The following CORO1B variants were observed in gnomAD, a reference collection of about 807,000 sequenced individuals.
CORO1B encodes coronin 1B.
In CORO1B, 30 loss-of-function variants were observed where a neutral mutation model predicts 51.1. The ratio of observed to expected loss-of-function variants is 0.59; its 90% confidence interval spans 0.44 to 0.80. The LOEUF (loss-of-function observed/expected upper bound fraction) is 0.80, where lower values mean the gene tolerates loss of function less well. Among genes scored for constraint, CORO1B ranks in the 30% least tolerant of loss-of-function variants. CORO1B has a pLI of 0.00. For missense variants in CORO1B, 648 were observed against 700.4 expected (o/e 0.93, Z 0.84); for synonymous variants, 310 against 289.7 (o/e 1.07, Z -0.71).
At chr11:67,440,082 GC>G in intron 8 of CORO1B, 35 bp downstream of exon 8, 1 of 1,578,502 alleles carries the variant, frequency 6.3e-7, no homozygotes. Flanking sequence ...CACCTTAGAT[GC>G]CCCTATCCCC....
chr11:67,439,063 A>G, intron 9 of CORO1B, 114 bp from the exon 10 acceptor site: 1 of 1,252,066 alleles, frequency 8.0e-7, no homozygotes. Context: ...CACGGCCTGG[A>G]AAGCTCAAAT....
chr11:67,437,653 C>T lies in CORO1B; in HGVS notation c.*723G>A. The T allele has an allele frequency of 2.2e-6, 3 of 1,360,438 alleles. No homozygotes were observed. Among genetic ancestry groups the T allele is most frequent in the Non-Finnish European group, 2.9e-6 (3 of 1,047,802 alleles). The allele number at this position is 1,360,438 out of a possible 1,614,324, so 84.3% of individuals were successfully genotyped here. A position where few individuals can be genotyped will look rare whatever the true frequency, so the allele number is the denominator to read the frequency against. ...AGGCCCCTCCGTGCCGGGCACCCACCTCCAGCTCTGGCTGTGTCGAGCGAG... is the reference window on the plus strand; with the variant it reads ...AGGCCCCTCCGTGCCGGGCACCCACTTCCAGCTCTGGCTGTGTCGAGCGAG... On this transcript the variant is annotated 3_prime_UTR_variant, in exon 11 of 11. Coordinates refer to ENST00000341356, the MANE Select transcript of CORO1B (RefSeq NM_020441.3).
intron 2 of CORO1B, 120 bp downstream of exon 2, chr11:67,442,308 G>C: frequency 7.9e-7 from 1 of 1,263,952 alleles, no homozygotes; most frequent in South Asian, 1.4e-5. Flanking sequence ...CGATAAATCT[G>C]GGTTATAACA....
At chr11:67,443,589 C>T, upstream of CORO1B, 1 of 691,432 alleles carries the variant, frequency 1.4e-6, no homozygotes, top group Non-Finnish European at 1.8e-6. Flanking sequence ...TGAGCGGCGC[C>T]GGGGGGCCGG....
chr11:67,441,609 G>A (rs1473141644), intron 4 of CORO1B, 95 bp from the exon 5 acceptor site: 1 of 1,548,606 alleles, frequency 6.5e-7, no homozygotes. Flanking sequence ...CCCTGGGACA[G>A]ACGGGTCTCT....
chr11:67,436,219 C>T lies in CORO1B; in HGVS notation c.*2157G>A, dbSNP rs1864270832. 3.2e-6 allele frequency: 5 copies of T among 1,548,854 alleles called. No individual in the cohort carries two copies. The East Asian group carries it at 1.2e-4, about 38-fold the overall frequency. ...AGGCCAGTGCTAGGCCAGTGGCCAG[C>T]AGTAGGAGCAGCAGCAGCAGCAGGA... On this transcript the variant is annotated 3_prime_UTR_variant, in exon 11 of 11. Coordinates refer to ENST00000341356, the MANE Select transcript of CORO1B (RefSeq NM_020441.3).
Position 67,437,560 on chromosome 11 carries a change from C to G in CORO1B, c.*816G>C, listed in dbSNP as rs1295905500. The stretch of plus-strand genomic sequence containing the variant: ...CCTTAGCTCCACAGGCCCAGACATT[C>G]TAGCCCCGACCGCCTGTGGCCCCCA... On this transcript the variant is annotated 3_prime_UTR_variant, in exon 11 of 11. Coordinates refer to ENST00000341356, the MANE Select transcript of CORO1B (RefSeq NM_020441.3). The G allele has an allele frequency of 3.7e-6, 5 of 1,337,190 alleles. No homozygotes were observed. Among genetic ancestry groups the G allele is most frequent in the Admixed American group, 6.1e-5 (2 of 32,912 alleles). The allele number at this position is 1,337,190 out of a possible 1,614,324, so 82.8% of individuals were successfully genotyped here.
At chr11:67,442,692 C>G in intron 1 of CORO1B, 62 bp from the exon 2 acceptor site, 1 of 1,553,512 alleles carries the variant, frequency 6.4e-7, no homozygotes, top group Non-Finnish European at 8.8e-7. Flanking sequence ...CCTCCCCAGG[C>G]TGCTGAAGGT....
In CORO1B at chr11:67,439,884, C is replaced by T. The variant is rs1864362062; in HGVS notation, c.1008-41G>A. 5.3e-6 allele frequency: 8 copies of T among 1,513,634 alleles called. No individual in the cohort carries two copies. In the Admixed American group the frequency reaches 1.6e-4, roughly 30 times the overall value. 93.8% of individuals were successfully genotyped at this position (1,513,634 alleles called of 1,614,324 possible). A position where few individuals can be genotyped will look rare whatever the true frequency, so the allele number is the denominator to read the frequency against. ...GGAGCCACGGGTGGAACCCTCACCG[C>T]CCCCCCCACCCACCGCCAGCTCTCC... On this transcript the variant is annotated intron_variant, in intron 8 of 10. Transcript: ENST00000341356.
chr11:67,440,487 A>C, intron 6 of CORO1B, 48 bp from the exon 7 acceptor site: 1 of 1,569,736 alleles, frequency 6.4e-7, no homozygotes, highest in Non-Finnish European at 8.7e-7. Flanking sequence ...CTCACCCCCT[A>C]ATCCCAAACC....
chr11:67,435,558 T>C lies in CORO1B; in HGVS notation c.*2818A>G, dbSNP rs1251024032. 3.2e-6 allele frequency: 3 copies of C among 932,510 alleles called. No individual in the cohort carries two copies. The highest frequency in any genetic ancestry group is 3.1e-6 in the Non-Finnish European group (2 of 653,318). The allele number at this position is 932,510 out of a possible 1,614,324, so 57.8% of individuals were successfully genotyped here. A position where few individuals can be genotyped will look rare whatever the true frequency, so the allele number is the denominator to read the frequency against. On this transcript the variant is annotated 3_prime_UTR_variant, in exon 11 of 11. Coordinates refer to ENST00000341356, the MANE Select transcript of CORO1B (RefSeq NM_020441.3). Reference sequence around the variant, plus strand: ...CAAATGGTTGCCTGATGCCTGTGGTTGGGGGGGGCCGTTCCCGTGGTGAGC... The same window carrying C: ...CAAATGGTTGCCTGATGCCTGTGGTCGGGGGGGGCCGTTCCCGTGGTGAGC...
At chr11:67,443,521 G>A (rs932844218), upstream of CORO1B, 9 of 915,906 alleles carry the variant, frequency 9.8e-6, no homozygotes, top group African/African-American at 1.8e-5. Context: ...AGCGGGGGCG[G>A]GGCAGGGGCT....
At chr11:67,443,750 T>TA (rs1367155587), upstream of CORO1B, 12 of 985,128 alleles carry the variant, frequency 1.2e-5, no homozygotes, top group Non-Finnish European at 1.3e-5. Flanking sequence ...GGTGCAGCCT[T>TA]ACAGCGGACC....
At chr11:67,438,620 C>G in intron 10 of CORO1B, 51 bp downstream of exon 10, 2 of 1,518,824 alleles carry the variant, frequency 1.3e-6, no homozygotes, top group Non-Finnish European at 1.8e-6. Flanking sequence ...ACACAGCAGG[C>G]CAGGGCCACA....
chr11:67,436,567 C>T lies in CORO1B; in HGVS notation c.*1809G>A. On this transcript the variant is annotated 3_prime_UTR_variant, in exon 11 of 11. Transcript: ENST00000341356. ...GCCTCCTCCCTACCACTCACCTCCC[C>T]CAACAGCTGCATTAAGCCACCTGCC... 1 of 480,058 alleles carries T rather than the reference C, an allele frequency of 2.1e-6. No homozygotes were observed. Among genetic ancestry groups the T allele is most frequent in the Non-Finnish European group, 3.5e-6 (1 of 285,892 alleles). 29.7% of individuals were successfully genotyped at this position (480,058 alleles called of 1,614,324 possible). A position where few individuals can be genotyped will look rare whatever the true frequency, so the allele number is the denominator to read the frequency against.
chr11:67,442,191 C>A, intron 2 of CORO1B, 103 bp from the exon 3 acceptor site: 1 of 1,546,484 alleles, frequency 6.5e-7, no homozygotes, highest in Non-Finnish European at 8.8e-7. Flanking sequence ...TCACAGGTGG[C>A]CCAGATGTGA....
Position 67,439,916 on chromosome 11 carries a change from C to T in CORO1B, c.1008-73G>A. 3 of 1,389,712 alleles carry T rather than the reference C, an allele frequency of 2.2e-6. No homozygotes were observed. The South Asian group carries it at 3.9e-5, about 18-fold the overall frequency. 86.1% of individuals were successfully genotyped at this position (1,389,712 alleles called of 1,614,324 possible). A position where few individuals can be genotyped will look rare whatever the true frequency, so the allele number is the denominator to read the frequency against. ...CACCCACCGCCAGCTCTCCTGGCAT[C>T]CTCCACTTCCAGTCCTCACCCCAGG... On this transcript the variant is annotated intron_variant, in intron 8 of 10. Transcript: ENST00000341356.
rs372470733 is a variant in CORO1B at position 67,441,815 on chromosome 11, C to T, written c.372G>A (p.Pro124=). Residue 124 remains proline (P), a synonymous_variant, in exon 4 of 11, where the codon CCG becomes CCA. Transcript: ENST00000341356. ...TGGTGTGCCCCTCCAGTACCACCAC[C>T]GGCTCTGTCAGCGGGGAGGTCAGCC... ...ENGLTSPLTE[P]VVVLEGHTKR... is the part of the protein sequence containing the mutation. 60 of 1,612,988 alleles carry T rather than the reference C, an allele frequency of 3.7e-5. 1 individual carries two copies. The highest frequency in any genetic ancestry group is 3.3e-4 in the South Asian group (30 of 91,090).
rs1864248519 is a variant in CORO1B, at chr11:67,435,585, G to C, written c.*2791C>G. 8.1e-7 allele frequency: 1 copy of C among 1,236,990 alleles called. No homozygotes were observed. Among genetic ancestry groups the C allele is most frequent in the African/African-American group, 1.5e-5 (1 of 66,106 alleles). The allele number at this position is 1,236,990 out of a possible 1,614,324, so 76.6% of individuals were successfully genotyped here. A position where few individuals can be genotyped will look rare whatever the true frequency, so the allele number is the denominator to read the frequency against. On this transcript the variant is annotated 3_prime_UTR_variant, in exon 11 of 11. Coordinates refer to ENST00000341356, the MANE Select transcript of CORO1B (RefSeq NM_020441.3). ...GGGGGGGCCGTTCCCGTGGTGAGCG[G>C]GGTACACATGGACTTGGGAACTGGT...
Sources: gnomAD v4.1 joint callset for allele counts on GRCh38, gnomAD v4.1.1 for gene constraint, MANE v1.5 for transcripts, NCBI Gene and HGNC (gene_info 2026-07-23, HGNC 2026-07-21) for gene names.